The following STOX2 variants were observed in gnomAD, a reference collection of about 807,000 sequenced individuals.
STOX2 encodes the protein storkhead box 2.
A neutral mutation model predicts 60.9 loss-of-function variants in STOX2; 28 were observed. The observed-to-expected ratio is 0.46, with a 90% CI of 0.34 to 0.63. STOX2 has a LOEUF of 0.63. STOX2 is among the 30% of genes least tolerant of loss of function. STOX2 has a pLI of 0.01. For synonymous variants in STOX2, 472 were observed against 463.9 expected, an observed-to-expected ratio of 1.02 and a Z score of -0.22; for missense variants, 1,024 against 1,187.7, an observed-to-expected ratio of 0.86 and a Z score of 2.03.
At position 183,965,815 on chromosome 4, in the gene STOX2, A is replaced by G. The variant is rs112754840; in HGVS notation, c.167-35510A>G. Among the ~76,000 whole-genome samples the G allele has an allele frequency of 6.5e-3, 990 of 152,142 alleles. 12 individuals are homozygous for G. Among genetic ancestry groups the G allele is most frequent in the African/African-American group, 0.022 (929 of 41,494 alleles). ...CGGATTTAGAGACATCCAGAGAGTGAGTAGAGTGGCTCTGTTGACTGTTTC... is the reference window on the plus strand; with the variant it reads ...CGGATTTAGAGACATCCAGAGAGTGGGTAGAGTGGCTCTGTTGACTGTTTC... On this transcript the variant is annotated intron_variant, in intron 1 of 3. Coordinates refer to ENST00000308497, the MANE Select transcript of STOX2 (RefSeq NM_020225.3).
chr4:183,953,055 G>A (rs1432027826), intron 1 of STOX2, among the ~76,000 whole-genome samples: 1 of 152,128 alleles, frequency 6.6e-6, no homozygotes, highest in Admixed American at 6.5e-5. Context: ...GGAGGCTGGG[G>A]GAGGGATAGC....
chr4:183,940,544 A>G (rs1742727289), intron 1 of STOX2, among the ~76,000 whole-genome samples: 1 of 152,170 alleles, frequency 6.6e-6, no homozygotes, highest in Non-Finnish European at 1.5e-5. Flanking sequence ...CCTGCTTTTT[A>G]TCTTGGCAAC....
intron 2 of STOX2, among the ~76,000 whole-genome samples, chr4:184,004,626 G>A (rs879733621): frequency 6.6e-6 from 1 of 151,892 alleles, no homozygotes; most frequent in Non-Finnish European, 1.5e-5. Context: ...AAAAAATTCC[G>A]ATACATCAAA....
chr4:183,809,968 G>A (rs1738998552), intron 1 of STOX2, among the ~76,000 whole-genome samples: 2 of 152,342 alleles, frequency 1.3e-5, no homozygotes, highest in East Asian at 3.9e-4. Context: ...TTCTATGGAA[G>A]ACTGTGAAAT....
intron 1 of STOX2, among the ~76,000 whole-genome samples, chr4:183,897,284 A>G (rs1741359270): frequency 6.6e-6 from 1 of 152,198 alleles, no homozygotes; most frequent in African/African-American, 2.4e-5. Context: ...TTTGGGTTTC[A>G]GAGAAACATT....
intron 1 of STOX2, among the ~76,000 whole-genome samples, chr4:183,912,895 G>A (rs1033350847): frequency 1.3e-5 from 2 of 152,204 alleles, no homozygotes; most frequent in African/African-American, 2.4e-5. Flanking sequence ...TTATAAGTAT[G>A]TATGCTAAGA....
intron 1 of STOX2, among the ~76,000 whole-genome samples, chr4:183,842,533 A>C (rs1261240634): frequency 6.6e-6 from 1 of 152,210 alleles, no homozygotes; most frequent in Non-Finnish European, 1.5e-5. Context: ...AGGAATGTGA[A>C]TCAAATTGCT....
chr4:183,987,496 G>A (rs757543916), intron 1 of STOX2, among the ~76,000 whole-genome samples: 9 of 151,864 alleles, frequency 5.9e-5, no homozygotes, highest in Non-Finnish European at 1.2e-4. Context: ...GATCTTAGCC[G>A]TAGACATTTT....
At chr4:183,909,689 A>T (rs967058727) in intron 1 of STOX2, among the ~76,000 whole-genome samples, 19 of 152,114 alleles carry the variant, frequency 1.2e-4, no homozygotes, top group African/African-American at 4.6e-4. Flanking sequence ...GATATTAATA[A>T]TTTTCCTTTT....
At position 183,808,468 on chromosome 4, in the gene STOX2, T is replaced by A. The variant is rs79489708; in HGVS notation, c.364+10413T>A. Among the ~76,000 whole-genome samples the A allele has an allele frequency of 5.7e-3, 861 of 152,326 alleles. 9 individuals carry two copies. Among genetic ancestry groups the A allele is most frequent in the African/African-American group, 0.02 (817 of 41,550 alleles). On this transcript the variant is annotated intron_variant, in intron 1 of 2. Coordinates refer to the STOX2 transcript ENST00000513034. ...GTTTTGGGGGACTTTGTGACTAGCA[T>A]AATTTGTCTAGGTTGATCACTTTCC...
rs75390305 is a variant in STOX2, at chr4:183,863,532, C to A, written c.364+65477C>A. Among the ~76,000 whole-genome samples, 849 of 148,990 alleles carry A rather than the reference C, an allele frequency of 5.7e-3. 7 individuals are homozygous for A. Among genetic ancestry groups the A allele is most frequent in the Admixed American group, 0.01 (152 of 14,798 alleles). ...AATGGAGATTCAAAGTGTTGAAAAT[C>A]ATAAATCCACTCCTGTTTTGTACAC... On this transcript the variant is annotated intron_variant, in intron 1 of 2. Transcript: ENST00000513034.
intron 1 of STOX2, among the ~76,000 whole-genome samples, chr4:183,860,331 G>A (rs1006012898): frequency 1.3e-5 from 2 of 151,140 alleles, no homozygotes; most frequent in Non-Finnish European, 2.9e-5. Context: ...CTAATTAGTG[G>A]CCCAGCCAAA....
At chr4:183,941,428 C>T (rs1415549202) in intron 1 of STOX2, among the ~76,000 whole-genome samples, 9 of 152,100 alleles carry the variant, frequency 5.9e-5, no homozygotes, top group Non-Finnish European at 8.8e-5. Flanking sequence ...ATTAGCCAGG[C>T]GTGGTGGTGG....
chr4:183,900,951 A>C (rs1382782689), upstream of STOX2, among the ~76,000 whole-genome samples: 1 of 152,180 alleles, frequency 6.6e-6, no homozygotes, highest in Non-Finnish European at 1.5e-5. Flanking sequence ...CAGTTAAGTT[A>C]AATACATATA....
chr4:184,009,562 A>C lies in STOX2; in HGVS notation c.724A>C (p.Ser242Arg), dbSNP rs777181608. 2.5e-6 allele frequency: 4 copies of C among 1,613,914 alleles called. No individual in the cohort carries two copies. The Admixed American group carries it at 5.0e-5, about 20-fold the overall frequency. ...CQVPPTEKSK[S>R]TVNFSYKTET... ...GGTGCCACCCACTGAAAAGAGCAAA[A>C]GTACTGTAAATTTTTCCTATAAGAC... The change falls in exon 3 of 4, where the codon AGT becomes CGT. Residue 242 changes from serine (S) to arginine (R), a missense_variant. By Grantham distance (110) the Ser-to-Arg change is moderately radical. Transcript: ENST00000308497. The surrounding 1 kb of genome is among the most constrained non-coding windows in gnomAD (Gnocchi z 4.0).
intron 1 of STOX2, among the ~76,000 whole-genome samples, chr4:183,840,972 A>G (rs916971569): frequency 2.0e-5 from 3 of 152,108 alleles, no homozygotes; most frequent in Admixed American, 6.6e-5. Context: ...GGCTCAAGCA[A>G]TCCTCCCACC....
intron 1 of STOX2, among the ~76,000 whole-genome samples, chr4:183,986,466 G>A (rs1259018669): frequency 2.6e-5 from 4 of 152,252 alleles, no homozygotes; most frequent in African/African-American, 9.6e-5. Context: ...GGGACCCCAG[G>A]AGGGCAGAGG....
At position 183,874,323 on chromosome 4, in the gene STOX2, G is replaced by T. The variant is rs552544764; in HGVS notation, c.364+76268G>T. Among the ~76,000 whole-genome samples the T allele has an allele frequency of 2.8e-3, 433 of 152,260 alleles. 3 individuals carry two copies. The highest frequency in any genetic ancestry group is 9.7e-3 in the African/African-American group (404 of 41,550). On this transcript the variant is annotated intron_variant, in intron 1 of 2. Coordinates refer to the STOX2 transcript ENST00000513034. ...CCATTTTTCTTTGGTTGTGCAGGGG[G>T]TTTTATTATTTTCTTCAACCCTAGC...
At chr4:183,888,643 G>A (rs1412046382) in intron 1 of STOX2, among the ~76,000 whole-genome samples, 2 of 152,184 alleles carry the variant, frequency 1.3e-5, no homozygotes, top group Non-Finnish European at 2.9e-5. Context: ...TGCCAATCCC[G>A]TGGTTACTTC....
Sources: allele counts gnomAD v4.1 joint callset (sites outside exome capture counted in the v4.1 genomes callset), GRCh38; gene constraint gnomAD v4.1.1; non-coding constraint Gnocchi (gnomAD v3.1); transcripts MANE v1.5; gene names NCBI Gene and HGNC (gene_info 2026-07-23, HGNC 2026-07-21).